QTMAN: variants seen among roughly 807,000 people sequenced by gnomAD.
QTMAN encodes tRNA-queuosine alpha-mannosyltransferase.
At chr2:144,136,502 G>T in the QTMAN span, among the ~76,000 whole-genome samples, 1 of 151,550 alleles carries the variant, frequency 6.6e-6, no homozygotes, top group Non-Finnish European at 1.5e-5. Context: ...GAAAAGAGAC[G>T]GGAAAGGAAG....
At chr2:144,161,010 T>C in the QTMAN span, among the ~76,000 whole-genome samples, 1 of 152,090 alleles carries the variant, frequency 6.6e-6, no homozygotes, top group Non-Finnish European at 1.5e-5. Context: ...ATGCTGGAAA[T>C]CCTCTATGTT....
chr2:144,318,288 T>C, the QTMAN span, among the ~76,000 whole-genome samples: 2 of 151,956 alleles, frequency 1.3e-5, no homozygotes, highest in African/African-American at 4.8e-5. Context: ...GCTTTCCAAA[T>C]ATTAATCACA....
the QTMAN span, among the ~76,000 whole-genome samples, chr2:144,003,115 T>A: frequency 2.0e-5 from 3 of 151,930 alleles, no homozygotes; most frequent in African/African-American, 7.2e-5. Context: ...TAATGTAGAT[T>A]TTAAAACTTT....
At chr2:144,332,133 A>C in the QTMAN span, among the ~76,000 whole-genome samples, 28 of 152,050 alleles carry the variant, frequency 1.8e-4, no homozygotes, top group African/African-American at 6.5e-4. Flanking sequence ...CACCAAAAAA[A>C]CGCAATTCGA....
the QTMAN span, among the ~76,000 whole-genome samples, chr2:144,217,244 T>C: frequency 6.6e-6 from 1 of 152,030 alleles, no homozygotes; most frequent in African/African-American, 2.4e-5. Context: ...ATACAAAATA[T>C]AAAGAATATC....
chr2:144,063,387 ACT>A, the QTMAN span, among the ~76,000 whole-genome samples: 1 of 151,948 alleles, frequency 6.6e-6, no homozygotes, highest in Non-Finnish European at 1.5e-5. Flanking sequence ...ATCATCAAAG[ACT>A]CTTGTTATTT....
chr2:144,024,095 G>A, the QTMAN span, among the ~76,000 whole-genome samples: 2 of 152,254 alleles, frequency 1.3e-5, no homozygotes, highest in East Asian at 3.8e-4. Flanking sequence ...TGGCCCTGCA[G>A]TAAACTGCTG....
At chr2:143,993,010 C>T in the QTMAN span, among the ~76,000 whole-genome samples, 43 of 152,062 alleles carry the variant, frequency 2.8e-4, no homozygotes, top group African/African-American at 1.0e-3. Flanking sequence ...ATGGTAGATA[C>T]CTGCAGTGAG....
chr2:144,125,046 T>C, the QTMAN span, among the ~76,000 whole-genome samples: 1 of 152,068 alleles, frequency 6.6e-6, no homozygotes, highest in Non-Finnish European at 1.5e-5. Context: ...CTAGAAAATA[T>C]AGCACAGGTA....
the QTMAN span, among the ~76,000 whole-genome samples, chr2:144,225,067 C>T: frequency 1.3e-5 from 2 of 152,188 alleles, no homozygotes; most frequent in Non-Finnish European, 2.9e-5. Flanking sequence ...TTGCTTCCTT[C>T]TAGAATTCAA....
chr2:144,092,870 G>GT, the QTMAN span, among the ~76,000 whole-genome samples: 3,712 of 140,690 alleles, frequency 0.026, 132 homozygotes, highest in African/African-American at 0.074. Context: ...AAACTTTTGG[G>GT]GTGTGTGTGT....
At chr2:143,944,495 T>G in the QTMAN span, 1 of 152,214 alleles carries the variant, frequency 6.6e-6, no homozygotes, top group East Asian at 1.9e-4. Context: ...CAGGCTGGAG[T>G]GCAGTGGCAC....
At chr2:144,084,185 T>C in the QTMAN span, among the ~76,000 whole-genome samples, 1 of 152,178 alleles carries the variant, frequency 6.6e-6, no homozygotes, top group Admixed American at 6.6e-5. Flanking sequence ...TCTTCTAACA[T>C]TCCTGAGAAC....
the QTMAN span, among the ~76,000 whole-genome samples, chr2:144,301,069 T>C: frequency 6.6e-6 from 1 of 152,188 alleles, no homozygotes. Context: ...CCAATTGCAA[T>C]GCCAATGTTT....
the QTMAN span, chr2:144,332,291 C>A: frequency 6.6e-6 from 1 of 150,532 alleles, no homozygotes; most frequent in Non-Finnish European, 1.5e-5. Flanking sequence ...CCGCCCCCGG[C>A]TCCCCGCGCC....
chr2:143,971,691 G>GT, the QTMAN span, among the ~76,000 whole-genome samples: 1 of 151,764 alleles, frequency 6.6e-6, no homozygotes, highest in Non-Finnish European at 1.5e-5. Flanking sequence ...CAAAATATTT[G>GT]TTTTTTATTT....
chr2:144,190,312 A>T, the QTMAN span, among the ~76,000 whole-genome samples: 1 of 152,254 alleles, frequency 6.6e-6, no homozygotes, highest in African/African-American at 2.4e-5. Context: ...AAATCACAAC[A>T]GGAAACTTGA....
chr2:144,026,578 C>T, the QTMAN span, among the ~76,000 whole-genome samples: 1 of 152,052 alleles, frequency 6.6e-6, no homozygotes, highest in Non-Finnish European at 1.5e-5. Context: ...TCAGTTAATG[C>T]TTGGAAATCA....
the QTMAN span, among the ~76,000 whole-genome samples, chr2:144,022,800 G>A: frequency 6.6e-6 from 1 of 151,946 alleles, no homozygotes; most frequent in Non-Finnish European, 1.5e-5. Context: ...CTGACCTTGT[G>A]ATCTGCCCTC....
Sources: allele counts gnomAD v4.1 joint callset (sites outside exome capture counted in the v4.1 genomes callset), GRCh38; gene constraint gnomAD v4.1.1; transcripts MANE v1.5; gene names NCBI Gene and HGNC (gene_info 2026-07-23, HGNC 2026-07-21).